RHD: variants seen among roughly 807,000 people sequenced by gnomAD.
The protein encoded by RHD is blood group Rh(D) polypeptide.
RHD carries 16 observed loss-of-function variants against 45.5 expected under a neutral mutation model. The observed-to-expected ratio is 0.35, with a 90% CI of 0.24 to 0.53. RHD has a LOEUF of 0.53. RHD is among the 20% of genes least tolerant of loss of function. The pLI, the probability that RHD is intolerant of heterozygous loss-of-function variation, is 0.92. For synonymous variants in RHD, 131 were observed against 217.5 expected, an observed-to-expected ratio of 0.60 and a Z score of 3.50; for missense variants, 306 against 532.0, an observed-to-expected ratio of 0.58 and a Z score of 4.18.
intron 6 of RHD, 59 bp from the exon 7 acceptor site, chr1:25,306,537 G>C (rs1010845358): frequency 1.5e-6 from 2 of 1,346,380 alleles, no homozygotes; most frequent in African/African-American, 2.9e-5. Context: ...GTGTGAAAGG[G>C]GTGGGTAGGG....
intron 2 of RHD, among the ~76,000 whole-genome samples, chr1:25,289,571 C>G (rs1251066243): frequency 7.8e-6 from 1 of 128,612 alleles, no homozygotes; most frequent in Non-Finnish European, 1.8e-5. Flanking sequence ...AAATCATTAT[C>G]ATCACTGTTG....
In RHD at chr1:25,284,759, G is replaced by T. The variant is rs765216289; in HGVS notation, c.335G>T (p.Ser112Ile). The T allele has an allele frequency of 2.9e-6, 4 of 1,388,602 alleles. No homozygotes were observed. The Admixed American group carries it at 5.3e-5, about 18-fold the overall frequency. 86.0% of individuals were successfully genotyped at this position (1,388,602 alleles called of 1,614,324 possible). ...PSGKVVITLF[S>I]IRLATMSALS... The stretch of plus-strand genomic sequence containing the variant: ...GGGAAGGTGGTCATCACACTGTTCA[G>T]GTATTGGGATGGTGGCTGGATCACT... The change falls in exon 2 of 10, where the codon AGT (serine) becomes ATT (isoleucine). Residue 112 changes from serine to isoleucine, a missense_variant and splice_region_variant. By Grantham distance (142) the Ser-to-Ile change is moderately radical. Coordinates refer to ENST00000328664, the MANE Select transcript of RHD (RefSeq NM_016124.6).
At position 25,272,561 on chromosome 1, in the gene RHD, A is replaced by C. The variant is rs1571556644; in HGVS notation, c.14A>C (p.Tyr5Ser). The stretch of plus-strand genomic sequence containing the variant: ...GACGGACACAGGATGAGCTCTAAGT[A>C]CCCGCGGTCTGTCCGGCGCTGCCTG... MSSK[Y>S]PRSVRRCLPL... is the part of the protein sequence containing the mutation. Residue 5 changes from tyrosine (Y) to serine (S), a missense_variant, in exon 1 of 10, where the codon TAC becomes TCC. Tyr to Ser is a moderately radical substitution (Grantham distance 144). Transcript: ENST00000328664. 6.3e-7 allele frequency: 1 copy of C among 1,581,358 alleles called. No individual in the cohort carries two copies. The highest frequency in any genetic ancestry group is 8.6e-7 in the Non-Finnish European group (1 of 1,156,978).
chr1:25,290,528 G>A, intron 2 of RHD, 113 bp from the exon 3 acceptor site: 3 of 960,332 alleles, frequency 3.1e-6, no homozygotes, highest in Non-Finnish European at 4.9e-6. Context: ...CCCACAGAAA[G>A]TAGGTGCCCA....
chr1:25,301,992 G>C (rs531459273), intron 5 of RHD, among the ~76,000 whole-genome samples: 2 of 130,582 alleles, frequency 1.5e-5, no homozygotes, highest in Non-Finnish European at 3.6e-5. Context: ...CACCATGAGC[G>C]AGAGTCAGCA....
At chr1:25,293,076 T>C (rs1416379237) in intron 3 of RHD, among the ~76,000 whole-genome samples, 1 of 130,160 alleles carries the variant, frequency 7.7e-6, no homozygotes, top group African/African-American at 2.7e-5. Context: ...GCATGCATGG[T>C]TGTAGAGGAG....
Position 25,303,569 on chromosome 1 carries a change from A to G in RHD, c.939+110A>G, listed in dbSNP as rs1643565987. ...AGCTGCATTAGGCAGGTGTCGGCGC[A>G]TTCTCTTATTGGCTTCAACGCCTAG... On this transcript the variant is annotated intron_variant, in intron 6 of 9. Transcript: ENST00000328664. The G allele has an allele frequency of 1.8e-6, 2 of 1,121,026 alleles. 1 individual carries two copies. The highest frequency in any genetic ancestry group is 2.6e-6 in the Non-Finnish European group (2 of 757,558). The allele number at this position is 1,121,026 out of a possible 1,614,324, so 69.4% of individuals were successfully genotyped here.
chr1:25,300,608 G>C lies in RHD; in HGVS notation c.487-338G>C, dbSNP rs1172602351. On this transcript the variant is annotated intron_variant, in intron 3 of 9. Coordinates refer to ENST00000328664, the MANE Select transcript of RHD (RefSeq NM_016124.6). ...GTGGATCGCCTGAGGTCAGGAGTTT[G>C]AGACCAGCCTGGCAAACACGGTGAA... Among the ~76,000 whole-genome samples the C allele has an allele frequency of 1.5e-5, 2 of 130,554 alleles. 1 individual carries two copies. Among genetic ancestry groups the C allele is most frequent in the Non-Finnish European group, 3.6e-5 (2 of 55,422 alleles). The allele number at this position is 130,554 out of a possible 152,430, so 85.6% of individuals were successfully genotyped here.
chr1:25,275,988 T>G (rs1256978522), intron 1 of RHD, among the ~76,000 whole-genome samples: 1 of 132,620 alleles, frequency 7.5e-6, no homozygotes, highest in East Asian at 1.9e-4. Context: ...TTTGTGAAAG[T>G]TTGTTGAGTT....
chr1:25,329,779 G>A lies in RHD; in HGVS notation c.*855G>A, dbSNP rs28744664. 0.013 allele frequency: 1,645 copies of A among 129,344 alleles called. 448 individuals are homozygous for A. The highest frequency in any genetic ancestry group is 0.024 in the Non-Finnish European group (1,328 of 54,736). The allele number at this position is 129,344 out of a possible 1,614,324, so 8.0% of individuals were successfully genotyped here. ...AGCAATTCTCCTGCCTCAGCCTCCC[G>A]AGTAGCTGGAATTACAAGTGCGCAC... On this transcript the variant is annotated 3_prime_UTR_variant, in exon 10 of 10. Coordinates refer to ENST00000328664, the MANE Select transcript of RHD (RefSeq NM_016124.6).
rs1642143192 is a variant in RHD at position 25,287,576 on chromosome 1, GATT to G, written c.335+2818_335+2820del. Among the ~76,000 whole-genome samples the G allele has an allele frequency of 1.5e-5, 2 of 134,996 alleles. 1 individual carries two copies. Among genetic ancestry groups the G allele is most frequent in the African/African-American group, 5.1e-5 (2 of 39,048 alleles). The allele number at this position is 134,996 out of a possible 152,430, so 88.6% of individuals were successfully genotyped here. On this transcript the variant is annotated intron_variant, in intron 2 of 9. Coordinates refer to ENST00000328664, the MANE Select transcript of RHD (RefSeq NM_016124.6). The stretch of plus-strand genomic sequence containing the variant: ...AGCTTGTGCCACTTGACTTGGGACT[GATT>G]TGGTTCTGTTTTGAGTCCCTTCAGG...
chr1:25,282,707 A>G lies in RHD; in HGVS notation c.149-1866A>G, dbSNP rs1404580712. On this transcript the variant is annotated intron_variant, in intron 1 of 9. Transcript: ENST00000328664. ...TGGGAGACGGAGGTGGGTGGATTAC[A>G]TGAGGTCAGGAGTTCGAGACCAGCT... is the stretch of plus-strand genomic sequence containing the variant. Among the ~76,000 whole-genome samples the G allele has an allele frequency of 1.5e-5, 2 of 131,088 alleles. 1 individual carries two copies. Among genetic ancestry groups the G allele is most frequent in the African/African-American group, 5.2e-5 (2 of 38,536 alleles). 86.0% of individuals were successfully genotyped at this position (131,088 alleles called of 152,430 possible).
chr1:25,299,819 A>T (rs1557538811), intron 3 of RHD, among the ~76,000 whole-genome samples: 1 of 131,488 alleles, frequency 7.6e-6, no homozygotes, highest in Non-Finnish European at 1.8e-5. Context: ...GCGACATCTC[A>T]GCTCACTATA....
At chr1:25,287,877 CA>C in intron 2 of RHD, among the ~76,000 whole-genome samples, 1 of 127,276 alleles carries the variant, frequency 7.9e-6, no homozygotes, top group East Asian at 2.0e-4. Context: ...CGCCTGCTAC[CA>C]TGCCCTGCTA....
At chr1:25,277,142 C>T (rs1641085937) in intron 1 of RHD, among the ~76,000 whole-genome samples, 1 of 132,950 alleles carries the variant, frequency 7.5e-6, no homozygotes, top group African/African-American at 2.6e-5. Context: ...TAGAGAAATG[C>T]ATATCAAATC....
At chr1:25,314,388 G>A (rs1319803990) in intron 7 of RHD, among the ~76,000 whole-genome samples, 1 of 133,246 alleles carries the variant, frequency 7.5e-6, no homozygotes, top group South Asian at 2.3e-4. Flanking sequence ...GTCTATTCAA[G>A]TTAGTTTGCC....
In RHD at chr1:25,275,504, T is replaced by C. The variant is rs1439917355; in HGVS notation, c.148+2809T>C. On this transcript the variant is annotated intron_variant, in intron 1 of 9. Transcript: ENST00000328664. ...CACCAGACCAGCGTGGAGGCTGTAGTGTAGTATTGACCTGAGGACTTCAAC... is the reference window on the plus strand; with the variant it reads ...CACCAGACCAGCGTGGAGGCTGTAGCGTAGTATTGACCTGAGGACTTCAAC... Among the ~76,000 whole-genome samples the C allele has an allele frequency of 1.1e-4, 15 of 131,362 alleles. 2 individuals are homozygous for C. Among genetic ancestry groups the C allele is most frequent in the African/African-American group, 3.9e-4 (15 of 38,608 alleles). The allele number at this position is 131,362 out of a possible 152,430, so 86.2% of individuals were successfully genotyped here.
intron 2 of RHD, among the ~76,000 whole-genome samples, chr1:25,286,314 T>C (rs1437443364): frequency 1.5e-5 from 2 of 135,144 alleles, no homozygotes; most frequent in African/African-American, 2.6e-5. Flanking sequence ...CACAGTGAGA[T>C]CCTGTCTCTG....
At position 25,296,019 on chromosome 1, in the gene RHD, C is replaced by A. The variant is rs557669853; in HGVS notation, c.487-4927C>A. ...CTGAGATTACAGGCACACACCACCA[C>A]GCCTGGCTTACTTTTGTATTTTTAG... On this transcript the variant is annotated intron_variant, in intron 3 of 9. Coordinates refer to ENST00000328664, the MANE Select transcript of RHD (RefSeq NM_016124.6). 7.5e-3 allele frequency among the ~76,000 whole-genome samples: 886 copies of A among 118,014 alleles called. 211 individuals carry two copies. Among genetic ancestry groups the A allele is most frequent in the Non-Finnish European group, 0.015 (724 of 49,926 alleles). The allele number at this position is 118,014 out of a possible 152,430, so 77.4% of individuals were successfully genotyped here. A position where few individuals can be genotyped will look rare whatever the true frequency, so the allele number is the denominator to read the frequency against.
Sources: allele counts gnomAD v4.1 joint callset (sites outside exome capture counted in the v4.1 genomes callset), GRCh38; gene constraint gnomAD v4.1.1; transcripts MANE v1.5; gene names NCBI Gene and HGNC (gene_info 2026-07-23, HGNC 2026-07-21).